MLLT3: variants seen among roughly 807,000 people sequenced by gnomAD.
The protein encoded by MLLT3 is MLLT3 super elongation complex subunit.
Under a neutral mutation model 53.2 loss-of-function variants are expected in MLLT3, and 4 were observed. That is an observed-to-expected ratio of 0.08 (90% CI 0.04 to 0.17). The LOEUF is 0.17. Ranked by LOEUF, MLLT3 falls within the 10% of genes least tolerant of loss-of-function variation. The probability of loss-of-function intolerance (pLI) is 1.00; values close to 1 mark genes in which losing one functional copy is unlikely to be tolerated. For missense variants in MLLT3, 569 were observed against 684.0 expected, an observed-to-expected ratio of 0.83 and a Z score of 1.87; for synonymous variants, 283 against 230.6, an observed-to-expected ratio of 1.23 and a Z score of -2.06.
At chr9:20,567,574 C>A (rs1819412653) in intron 2 of MLLT3, among the ~76,000 whole-genome samples, 1 of 152,030 alleles carries the variant, frequency 6.6e-6, no homozygotes, top group Admixed American at 6.6e-5. Context: ...TCTCCTTTTC[C>A]TTGCCAGGGT....
intron 10 of MLLT3, among the ~76,000 whole-genome samples, chr9:20,351,560 G>A (rs1035220475): frequency 6.6e-6 from 1 of 152,174 alleles, no homozygotes; most frequent in African/African-American, 2.4e-5. Flanking sequence ...TAAACTAGCT[G>A]CCGAGTGCCA....
chr9:20,384,100 A>T (rs1354724985), intron 5 of MLLT3, among the ~76,000 whole-genome samples: 6 of 152,062 alleles, frequency 3.9e-5, no homozygotes, highest in Admixed American at 3.3e-4. Flanking sequence ...TAATAATATC[A>T]TGATACTGTT....
In MLLT3 at chr9:20,571,595, C is replaced by T. The variant is rs1330266968; in HGVS notation, c.193+49059G>A. Among the ~76,000 whole-genome samples the T allele has an allele frequency of 3.3e-5, 5 of 152,268 alleles. No homozygotes were observed. The East Asian group carries it at 7.7e-4, about 24-fold the overall frequency. ...CCTAATGCTATCCCTCCCCTAGCCT[C>T]CCACCCCCAGACAGGCCCTGGTGTG... On this transcript the variant is annotated intron_variant, in intron 2 of 10. Coordinates refer to ENST00000380338, the MANE Select transcript of MLLT3 (RefSeq NM_004529.4).
At chr9:20,415,529 C>T in intron 4 of MLLT3, 1 of 650,492 alleles carries the variant, frequency 1.5e-6, no homozygotes. Context: ...AAGAAGAGCT[C>T]TTTCTTGCTT....
intron 2 of MLLT3, among the ~76,000 whole-genome samples, chr9:20,469,080 G>A (rs905992160): frequency 3.9e-5 from 6 of 152,040 alleles, no homozygotes; most frequent in Admixed American, 1.3e-4. Context: ...TATTGCCCCC[G>A]TGCAATAAAA....
intron 10 of MLLT3, among the ~76,000 whole-genome samples, chr9:20,350,931 T>A (rs939675773): frequency 1.3e-5 from 2 of 152,146 alleles, no homozygotes; most frequent in East Asian, 3.9e-4. Flanking sequence ...TGGGGAGTAA[T>A]GAACAGGCCT....
intron 2 of MLLT3, among the ~76,000 whole-genome samples, chr9:20,538,450 C>G (rs1307660157): frequency 6.6e-6 from 1 of 152,116 alleles, no homozygotes; most frequent in African/African-American, 2.4e-5. Context: ...TTAAACAATC[C>G]CAACCTTCTT....
intron 2 of MLLT3, among the ~76,000 whole-genome samples, chr9:20,537,320 G>T (rs1190665109): frequency 6.6e-6 from 1 of 152,124 alleles, no homozygotes; most frequent in Non-Finnish European, 1.5e-5. Context: ...AGAGTAGGGG[G>T]CAGAGTTATT....
intron 2 of MLLT3, among the ~76,000 whole-genome samples, chr9:20,468,017 A>C (rs906900185): frequency 1.3e-5 from 2 of 152,194 alleles, no homozygotes; most frequent in African/African-American, 4.8e-5. Context: ...TTTGAGAAAG[A>C]TCCTTAGGTT....
At chr9:20,426,458 G>A (rs1823140841) in intron 4 of MLLT3, among the ~76,000 whole-genome samples, 1 of 152,022 alleles carries the variant, frequency 6.6e-6, no homozygotes, top group Admixed American at 6.6e-5. Flanking sequence ...ATAATGGCTG[G>A]AAGTATAAAA....
chr9:20,475,163 A>G (rs979141779), intron 2 of MLLT3, among the ~76,000 whole-genome samples: 2 of 152,082 alleles, frequency 1.3e-5, no homozygotes, highest in African/African-American at 4.8e-5. Flanking sequence ...TAAAGGCTCA[A>G]GGTGAAGTTA....
At chr9:20,594,664 G>A (rs1322340255) in intron 2 of MLLT3, among the ~76,000 whole-genome samples, 2 of 152,134 alleles carry the variant, frequency 1.3e-5, no homozygotes, top group African/African-American at 4.8e-5. Flanking sequence ...AACAGACTGA[G>A]GTAAAGAAGT....
chr9:20,433,625 C>T (rs1203375394), intron 4 of MLLT3, among the ~76,000 whole-genome samples: 5 of 151,892 alleles, frequency 3.3e-5, no homozygotes, highest in African/African-American at 1.2e-4. Context: ...ACCAAAGATG[C>T]ATAACATGAA....
chr9:20,489,521 T>C (rs1486083662), intron 2 of MLLT3, among the ~76,000 whole-genome samples: 1 of 152,184 alleles, frequency 6.6e-6, no homozygotes, highest in Non-Finnish European at 1.5e-5. Flanking sequence ...CTTTGGCCAG[T>C]AGGTTCAATA....
At chr9:20,617,311 T>TA (rs1457331884) in intron 2 of MLLT3, among the ~76,000 whole-genome samples, 2 of 152,158 alleles carry the variant, frequency 1.3e-5, no homozygotes, top group Admixed American at 1.3e-4. Flanking sequence ...AACTATGCAG[T>TA]AAAGCTGGCC....
chr9:20,562,152 G>C (rs1333717255), intron 2 of MLLT3, among the ~76,000 whole-genome samples: 1 of 152,128 alleles, frequency 6.6e-6, no homozygotes, highest in Non-Finnish European at 1.5e-5. Flanking sequence ...TGTAATGCAA[G>C]TTATGCTTGT....
chr9:20,384,140 T>C (rs1821971943), intron 5 of MLLT3, among the ~76,000 whole-genome samples: 1 of 152,054 alleles, frequency 6.6e-6, no homozygotes. Context: ...TTTGTAGACT[T>C]ATATGCTTCT....
intron 5 of MLLT3, among the ~76,000 whole-genome samples, chr9:20,393,677 T>G (rs1188819739): frequency 1.3e-5 from 2 of 152,218 alleles, no homozygotes; most frequent in Admixed American, 6.5e-5. Context: ...ACATAACCAC[T>G]TTTTATTGCG....
At chr9:20,424,503 G>A (rs1371108178) in intron 4 of MLLT3, among the ~76,000 whole-genome samples, 2 of 152,110 alleles carry the variant, frequency 1.3e-5, no homozygotes, top group African/African-American at 2.4e-5. Context: ...CCTCCAAAAA[G>A]GATGAGGCGG....
Sources: allele counts gnomAD v4.1 joint callset (sites outside exome capture counted in the v4.1 genomes callset), GRCh38; gene constraint gnomAD v4.1.1; transcripts MANE v1.5; gene names NCBI Gene and HGNC (gene_info 2026-07-23, HGNC 2026-07-21).